MTMR12: variants seen among roughly 807,000 people sequenced by gnomAD.
MTMR12 encodes the protein myotubularin related protein 12.
Under a neutral mutation model 96.7 loss-of-function variants are expected in MTMR12, and 33 were observed. The observed-to-expected ratio is 0.34, with a 90% CI of 0.26 to 0.46. The LOEUF (loss-of-function observed/expected upper bound fraction) is 0.46. MTMR12 is among the 20% of genes least tolerant of loss of function. The pLI is 1.00. For synonymous variants in MTMR12, 298 were observed against 327.2 expected, an observed-to-expected ratio of 0.91 and a Z score of 0.96; for missense variants, 721 against 896.1, an observed-to-expected ratio of 0.80 and a Z score of 2.49.
At chr5:32,288,024 G>A (rs1457883801) in intron 1 of MTMR12, among the ~76,000 whole-genome samples, 1 of 152,142 alleles carries the variant, frequency 6.6e-6, no homozygotes, top group Non-Finnish European at 1.5e-5. Flanking sequence ...TGTCCTGAGT[G>A]AGAGTCTTAT....
At chr5:32,302,718 C>T (rs1253910309) in intron 1 of MTMR12, among the ~76,000 whole-genome samples, 1 of 145,130 alleles carries the variant, frequency 6.9e-6, no homozygotes, top group Non-Finnish European at 1.5e-5. Context: ...AGCAAGACTC[C>T]GTATAAAAAA....
chr5:32,258,902 CAAAAAAA>C (rs5867141), intron 7 of MTMR12, among the ~76,000 whole-genome samples: 14 of 90,560 alleles, frequency 1.5e-4, no homozygotes, highest in Admixed American at 1.2e-4. Context: ...TGGTCTTTCA[CAAAAAAA>C]AAAAAAAAAA....
intron 1 of MTMR12, among the ~76,000 whole-genome samples, chr5:32,281,261 A>AAC (rs1169602601): frequency 9.3e-5 from 14 of 150,222 alleles, no homozygotes; most frequent in Non-Finnish European, 1.5e-4. Flanking sequence ...AAAAAAAAAA[A>AAC]AAACAAAAAA....
chr5:32,288,555 G>A (rs1460269947), intron 1 of MTMR12, among the ~76,000 whole-genome samples: 1 of 152,206 alleles, frequency 6.6e-6, no homozygotes, highest in Non-Finnish European at 1.5e-5. Flanking sequence ...AACTGCTTGA[G>A]TTCTCTAATT....
Position 32,260,876 on chromosome 5 carries a change from G to A in MTMR12, c.713+2237C>T, listed in dbSNP as rs531855769. On this transcript the variant is annotated intron_variant, in intron 7 of 15. Transcript: ENST00000382142. ...GTATGAATCTGTTAGCAGGGTGTTA[G>A]GGAGTATGTTCCAAAATGATAACAT... 4.1e-4 allele frequency among the ~76,000 whole-genome samples: 62 copies of A among 151,832 alleles called. 1 individual carries two copies. The highest frequency in any genetic ancestry group is 6.8e-3 in the Middle Eastern group (2 of 294).
Position 32,229,882 on chromosome 5 carries a change from G to A in MTMR12, c.2140C>T (p.His714Tyr), listed in dbSNP as rs1747922278. 2 of 1,612,204 alleles carry A rather than the reference G, an allele frequency of 1.2e-6. No homozygotes were observed. Among genetic ancestry groups the A allele is most frequent in the South Asian group, 2.2e-5 (2 of 90,818 alleles). The change falls in exon 16 of 16, where the codon CAT becomes TAT. Residue 714 changes from histidine to tyrosine, a missense_variant. Coordinates refer to ENST00000382142, the MANE Select transcript of MTMR12 (RefSeq NM_001040446.3). ...SLFPFALLQR[H>Y]SSKPVLPTSG... Reference sequence around the variant, plus strand: ...GTGGGTAAGACGGGCTTAGAGGAATGTCGCTGGAGCAGAGCGAAAGGAAAC... The same window carrying A: ...GTGGGTAAGACGGGCTTAGAGGAATATCGCTGGAGCAGAGCGAAAGGAAAC...
chr5:32,309,624 A>G (rs966046886), intron 1 of MTMR12: 1 of 152,218 alleles, frequency 6.6e-6, no homozygotes, highest in Admixed American at 6.5e-5. Flanking sequence ...GCTTAACATC[A>G]TTGATCACCA....
intron 7 of MTMR12, among the ~76,000 whole-genome samples, chr5:32,257,629 C>T (rs1292515223): frequency 6.6e-6 from 1 of 152,004 alleles, no homozygotes; most frequent in African/African-American, 2.4e-5. Flanking sequence ...GTTAGCTGGG[C>T]ATGGTGGCGG....
chr5:32,248,645 T>TTAAGTTGTATTCCCCTAGCATTAA (rs1440709299), intron 9 of MTMR12, 127 bp downstream of exon 9: 2 of 692,066 alleles, frequency 2.9e-6, no homozygotes, highest in Non-Finnish European at 5.1e-6. Flanking sequence ...ATGATCACTG[T>TTAAGTTGTATTCCCCTAGCATTAA]TAAGTTGTAT....
intron 8 of MTMR12, among the ~76,000 whole-genome samples, chr5:32,250,009 A>G (rs1447377976): frequency 6.6e-6 from 1 of 152,256 alleles, no homozygotes; most frequent in Non-Finnish European, 1.5e-5. Flanking sequence ...TCGGCTTCCC[A>G]GAGGGAGCAC....
intron 1 of MTMR12, among the ~76,000 whole-genome samples, chr5:32,292,266 C>G (rs764711619): frequency 2.4e-4 from 37 of 152,256 alleles, no homozygotes; most frequent in African/African-American, 8.2e-4. Context: ...TACTGTTTCT[C>G]CCATAGCCAG....
At chr5:32,281,899 CAA>C (rs201071153) in intron 1 of MTMR12, among the ~76,000 whole-genome samples, 7 of 121,358 alleles carry the variant, frequency 5.8e-5, no homozygotes, top group Non-Finnish European at 5.3e-5. Flanking sequence ...GACTCCGTCT[CAA>C]AAAAAAAAAA....
chr5:32,230,903 T>C (rs986717425), intron 15 of MTMR12, among the ~76,000 whole-genome samples: 2 of 152,314 alleles, frequency 1.3e-5, no homozygotes, highest in East Asian at 3.9e-4. Context: ...GCCGAAGTCA[T>C]AAAGATTCTT....
In MTMR12 at chr5:32,247,805, C is replaced by T. The variant is rs567790565; in HGVS notation, c.1021+197G>A. ...TGTGATCACTGCCACAATAAGGAGG[C>T]GGGGAGGGAAAGCCTGGAGAGAGAT... is the stretch of plus-strand genomic sequence containing the variant. On this transcript the variant is annotated intron_variant, in intron 10 of 15. Transcript: ENST00000382142. 25 of 984,856 alleles carry T rather than the reference C, an allele frequency of 2.5e-5. No individual in the cohort carries two copies. In the East Asian group the frequency reaches 1.1e-3, roughly 45 times the overall value. The allele number at this position is 984,856 out of a possible 1,614,324, so 61.0% of individuals were successfully genotyped here.
chr5:32,258,850 A>AG (rs1163161325), intron 7 of MTMR12, among the ~76,000 whole-genome samples: 1 of 150,808 alleles, frequency 6.6e-6, no homozygotes, highest in African/African-American at 2.4e-5. Flanking sequence ...AGTGAGGTTG[A>AG]ATATTTTACA....
At chr5:32,255,984 G>T in intron 7 of MTMR12, 2 of 376,060 alleles carry the variant, frequency 5.3e-6, no homozygotes, top group African/African-American at 2.1e-5. Context: ...CTGTGGCTCT[G>T]CCTGCAATTC....
chr5:32,273,471 G>A (rs761269203), intron 3 of MTMR12, among the ~76,000 whole-genome samples: 24 of 152,310 alleles, frequency 1.6e-4, no homozygotes, highest in African/African-American at 2.9e-4. Flanking sequence ...CTCAGTTCCT[G>A]GGTTTAAGGA....
intron 7 of MTMR12, among the ~76,000 whole-genome samples, chr5:32,258,431 A>C (rs1749225294): frequency 6.6e-6 from 1 of 152,206 alleles, no homozygotes; most frequent in Admixed American, 6.5e-5. Context: ...GGGAAGATTA[A>C]AAGATTACCA....
intron 8 of MTMR12, among the ~76,000 whole-genome samples, chr5:32,254,204 C>T (rs1052100772): frequency 6.6e-6 from 1 of 152,226 alleles, no homozygotes; most frequent in African/African-American, 2.4e-5. Context: ...GTGTAGTATA[C>T]ACTACGCTGG....
Sources: gnomAD v4.1 joint callset for allele counts (sites outside exome capture counted in the v4.1 genomes callset) on GRCh38, gnomAD v4.1.1 for gene constraint, MANE v1.5 for transcripts, NCBI Gene and HGNC (gene_info 2026-07-23, HGNC 2026-07-21) for gene names.